Variants in HMCN1 observed in about 807,000 individuals in gnomAD.
HMCN1 encodes hemicentin-1.
Under a neutral mutation model 625.9 loss-of-function variants are expected in HMCN1, and 321 were observed. The observed-to-expected ratio is 0.51, with a 90% CI of 0.47 to 0.56. HMCN1 has a LOEUF of 0.56. Ranked by LOEUF, HMCN1 falls within the 20% of genes least tolerant of loss-of-function variation. The probability of loss-of-function intolerance (pLI) is 0.00; values close to 1 mark genes in which losing one functional copy is unlikely to be tolerated. For synonymous variants in HMCN1, 2,425 were observed against 2,417.6 expected (o/e 1.00, Z -0.09); for missense variants, 6,588 against 6,887.3 (o/e 0.96, Z 1.54).
chr1:186,147,788 T>TA (rs149483402), intron 93 of HMCN1, among the ~76,000 whole-genome samples: 1 of 152,152 alleles, frequency 6.6e-6, no homozygotes, highest in Non-Finnish European at 1.5e-5. Context: ...ACTTTATTGC[T>TA]AAAAAATGCT....
rs181656683 is a variant in HMCN1, at chr1:186,162,734, C to T, written c.15257-2377C>T. 1.6e-3 allele frequency among the ~76,000 whole-genome samples: 248 copies of T among 152,258 alleles called. 2 individuals are homozygous for T. Among genetic ancestry groups the T allele is most frequent in the East Asian group, 6.0e-3 (31 of 5,174 alleles). Reference sequence around the variant, plus strand: ...AGGTGTCTGCAGAACAGGGGTTTTTCGTGAACCACGAATGCTGCTGTCTGA... The same window carrying T: ...AGGTGTCTGCAGAACAGGGGTTTTTTGTGAACCACGAATGCTGCTGTCTGA... On this transcript the variant is annotated intron_variant, in intron 97 of 106. Transcript: ENST00000271588.
At chr1:185,855,866 G>A (rs560110018) in intron 2 of HMCN1, among the ~76,000 whole-genome samples, 1 of 152,230 alleles carries the variant, frequency 6.6e-6, no homozygotes, top group African/African-American at 2.4e-5. Flanking sequence ...AGCTTGTTTG[G>A]TCATCAGTGA....
intron 47 of HMCN1, among the ~76,000 whole-genome samples, chr1:186,062,309 C>T (rs1299620840): frequency 6.6e-6 from 1 of 151,996 alleles, no homozygotes; most frequent in African/African-American, 2.4e-5. Context: ...ATTTACATTA[C>T]AATAAAATTC....
At position 186,074,826 on chromosome 1, in the gene HMCN1, G is replaced by A. The variant is rs763229502; in HGVS notation, c.8225G>A (p.Arg2742Gln). 2.4e-5 allele frequency: 38 copies of A among 1,612,804 alleles called. No individual in the cohort carries two copies. Among genetic ancestry groups the A allele is most frequent in the African/African-American group, 4.0e-5 (3 of 74,844 alleles). Residue 2742 changes from arginine (R) to glutamine (Q), a missense_variant, in exon 53 of 107, where the codon CGA (arginine) becomes CAA (glutamine). Arg to Gln is a conservative substitution (Grantham distance 43, BLOSUM62 1). Around this residue, in one of 3 missense-constraint regions of HMCN1, gnomAD observed 4,628 missense variants for 4,853.1 expected, o/e 0.95. Transcript: ENST00000271588. ...GAGGCTCAAATATCAGACACCGGAC[G>A]ATATACTTGTGTAGCATCTAACATT... Reference protein sequence around the residue: ...IKEAQISDTGRYTCVASNIAG... With the variant: ...IKEAQISDTGQYTCVASNIAG...
chr1:185,930,726 A>G (rs1667500819), intron 10 of HMCN1, among the ~76,000 whole-genome samples: 1 of 152,160 alleles, frequency 6.6e-6, no homozygotes, highest in African/African-American at 2.4e-5. Context: ...TAAATGCACA[A>G]CAGGTGTAGA....
In HMCN1 at chr1:185,925,183, G is replaced by A; in HGVS notation, c.1422G>A (p.Gln474=). 6.2e-7 allele frequency: 1 copy of A among 1,613,244 alleles called. No homozygotes were observed. Among genetic ancestry groups the A allele is most frequent in the East Asian group, 2.2e-5 (1 of 44,866 alleles). Residue 474 remains glutamine (Q), a synonymous_variant, in exon 9 of 107, where the codon CAG becomes CAA. Coordinates refer to ENST00000271588, the MANE Select transcript of HMCN1 (RefSeq NM_031935.3). ...ATGGAGTTACACTTGGAGTAGACCA[G>A]TATTTGAAGTAGGTACATGTTTCTG... ...VRNGVTLGVD[Q]YLKESASVNL...
At chr1:186,129,493 T>A (rs1220597022) in intron 83 of HMCN1, among the ~76,000 whole-genome samples, 2 of 152,044 alleles carry the variant, frequency 1.3e-5, no homozygotes, top group Non-Finnish European at 2.9e-5. Flanking sequence ...ATTACCTAAG[T>A]AGCATACGTT....
At chr1:185,985,819 A>C (rs1323988146) in intron 19 of HMCN1, among the ~76,000 whole-genome samples, 1 of 152,208 alleles carries the variant, frequency 6.6e-6, no homozygotes, top group Non-Finnish European at 1.5e-5. Flanking sequence ...AATACTCATT[A>C]AAGGCTGTCA....
At chr1:185,774,877 C>T (rs1656490842) in intron 1 of HMCN1, among the ~76,000 whole-genome samples, 1 of 152,040 alleles carries the variant, frequency 6.6e-6, no homozygotes, top group Non-Finnish European at 1.5e-5. Context: ...AAATCATTAG[C>T]CATCAATTTA....
chr1:185,775,143 A>G (rs1048112754), intron 1 of HMCN1, among the ~76,000 whole-genome samples: 15 of 152,180 alleles, frequency 9.9e-5, no homozygotes, highest in Non-Finnish European at 1.9e-4. Context: ...TGAGATTATC[A>G]CCTGGATATT....
chr1:185,934,374 G>A (rs1485608711), intron 11 of HMCN1, among the ~76,000 whole-genome samples: 1 of 152,008 alleles, frequency 6.6e-6, no homozygotes, highest in Admixed American at 6.6e-5. Context: ...ACACGCGAGT[G>A]CCTGTTGAAA....
At chr1:185,766,869 C>T (rs879503227) in intron 1 of HMCN1, among the ~76,000 whole-genome samples, 1 of 152,006 alleles carries the variant, frequency 6.6e-6, no homozygotes. Context: ...AACCACACAA[C>T]TTAAGGTTTC....
intron 93 of HMCN1, among the ~76,000 whole-genome samples, chr1:186,149,142 T>A (rs912619376): frequency 2.6e-5 from 4 of 152,102 alleles, no homozygotes; most frequent in African/African-American, 4.8e-5. Flanking sequence ...ACCAACTGCG[T>A]AAGTCCTTAA....
In HMCN1 at chr1:185,734,470, C is replaced by T; in HGVS notation, c.-310C>T. ...CCGCGGCGCCGCAGGCTCAGAGCTG[C>T]CCCCGGGGCATGGACCCGACGCGCC... On this transcript the variant is annotated 5_prime_UTR_variant, in exon 1 of 107. Transcript: ENST00000271588. 2.9e-6 allele frequency: 1 copy of T among 340,648 alleles called. No individual in the cohort carries two copies. Among genetic ancestry groups the T allele is most frequent in the South Asian group, 4.4e-5 (1 of 22,496 alleles). 21.1% of individuals were successfully genotyped at this position (340,648 alleles called of 1,614,324 possible). A position where few individuals can be genotyped will look rare whatever the true frequency, so the allele number is the denominator to read the frequency against.
At chr1:186,013,392 A>G (rs185259846) in intron 30 of HMCN1, among the ~76,000 whole-genome samples, 63 of 152,324 alleles carry the variant, frequency 4.1e-4, no homozygotes, top group Admixed American at 1.6e-3. Flanking sequence ...GCCTCCTGAG[A>G]TAAAAATGAT....
At chr1:185,900,843 G>A (rs779427945) in intron 4 of HMCN1, among the ~76,000 whole-genome samples, 1 of 151,814 alleles carries the variant, frequency 6.6e-6, no homozygotes, top group South Asian at 2.1e-4. Flanking sequence ...TTTATTGTCC[G>A]AAGGGCCCAG....
intron 1 of HMCN1, among the ~76,000 whole-genome samples, chr1:185,808,467 T>C (rs570567260): frequency 2.6e-5 from 4 of 152,254 alleles, no homozygotes; most frequent in African/African-American, 9.6e-5. Context: ...TGCAGTGAGG[T>C]GTGATCATGC....
Position 185,781,137 on chromosome 1 carries a change from G to T in HMCN1, c.268+46090G>T, listed in dbSNP as rs539425684. Among the ~76,000 whole-genome samples the T allele has an allele frequency of 9.8e-5, 15 of 152,316 alleles. No individual in the cohort carries two copies. The East Asian group carries it at 2.9e-3, about 29-fold the overall frequency. ...CTAGATTTTCTAGTTTATTTGCATA[G>T]AGGTGTTTATAGTATTCTCTGATGG... is the stretch of plus-strand genomic sequence containing the variant. On this transcript the variant is annotated intron_variant, in intron 1 of 106. Transcript: ENST00000271588.
At chr1:186,172,253 A>C in intron 102 of HMCN1, 122 bp downstream of exon 102, 1 of 1,347,032 alleles carries the variant, frequency 7.4e-7, no homozygotes, top group Non-Finnish European at 1.1e-6. Flanking sequence ...TTCTTTTTCC[A>C]TAAGTACTCC....
Sources: allele counts gnomAD v4.1 joint callset (sites outside exome capture counted in the v4.1 genomes callset), GRCh38; gene constraint gnomAD v4.1.1; regional missense constraint gnomAD v4.1.1; transcripts MANE v1.5; gene names NCBI Gene and HGNC (gene_info 2026-07-23, HGNC 2026-07-21).